Variants in CSMD1 observed in about 807,000 individuals in gnomAD.
The protein encoded by CSMD1 is CUB and sushi domain-containing protein 1.
Under a neutral mutation model 417.5 loss-of-function variants are expected in CSMD1, and 213 were observed. The ratio of observed to expected loss-of-function variants is 0.51; its 90% CI spans 0.46 to 0.57. The LOEUF (loss-of-function observed/expected upper bound fraction) is 0.57, where lower values mean the gene tolerates loss of function less well. Among genes scored for constraint, CSMD1 ranks in the 20% least tolerant of loss-of-function variants. The probability of loss-of-function intolerance (pLI) is 0.00; values close to 1 mark genes in which losing one functional copy is unlikely to be tolerated. For synonymous variants in CSMD1, 2,862 were observed against 1,736.8 expected, an observed-to-expected ratio of 1.65 and a Z score of -16.11; for missense variants, 6,923 against 4,529.7, an observed-to-expected ratio of 1.53 and a Z score of -15.17.
chr8:4,256,094 C>G (rs940550396), intron 3 of CSMD1, among the ~76,000 whole-genome samples: 1 of 152,166 alleles, frequency 6.6e-6, no homozygotes, highest in Non-Finnish European at 1.5e-5. Context: ...TAGGTGAATC[C>G]CAGACTACTT....
intron 1 of CSMD1, among the ~76,000 whole-genome samples, chr8:4,925,537 C>CTTTTTTTTTT (rs113682113): frequency 6.9e-6 from 1 of 145,900 alleles, no homozygotes; most frequent in Non-Finnish European, 1.5e-5. Context: ...CTGGCATTTT[C>CTTTTTTTTTT]TTTTTTTTTT....
At chr8:4,490,807 T>A (rs953343859) in intron 2 of CSMD1, among the ~76,000 whole-genome samples, 5 of 152,234 alleles carry the variant, frequency 3.3e-5, no homozygotes, top group African/African-American at 1.2e-4. Flanking sequence ...TAGGTGTTTC[T>A]GTTTTCTCAC....
intron 26 of CSMD1, among the ~76,000 whole-genome samples, chr8:3,260,299 G>A (rs958263301): frequency 6.6e-6 from 1 of 152,090 alleles, no homozygotes; most frequent in Non-Finnish European, 1.5e-5. Context: ...CGCCACCTCT[G>A]TGAGGCTCCC....
intron 26 of CSMD1, among the ~76,000 whole-genome samples, chr8:3,241,393 G>C (rs1295275645): frequency 2.0e-5 from 3 of 152,084 alleles, no homozygotes; most frequent in South Asian, 2.1e-4. Flanking sequence ...GAAGGGGACG[G>C]TCTTACCCTC....
At chr8:4,521,987 A>T (rs1317598085) in intron 2 of CSMD1, among the ~76,000 whole-genome samples, 2 of 152,166 alleles carry the variant, frequency 1.3e-5, no homozygotes, top group African/African-American at 4.8e-5. Flanking sequence ...CCTAGTTTTT[A>T]TTAAATTTTG....
At chr8:3,839,654 G>GAA (rs112068635) in intron 5 of CSMD1, among the ~76,000 whole-genome samples, 7 of 120,888 alleles carry the variant, frequency 5.8e-5, no homozygotes, top group African/African-American at 6.0e-5. Flanking sequence ...CTTCAACTCA[G>GAA]AAAAAAAAAA....
chr8:4,383,843 A>G (rs1190668799), intron 3 of CSMD1, among the ~76,000 whole-genome samples: 1 of 152,246 alleles, frequency 6.6e-6, no homozygotes, highest in African/African-American at 2.4e-5. Context: ...GAAAATAATA[A>G]CATGGAAATA....
At chr8:3,693,423 G>T (rs1338125629) in intron 7 of CSMD1, among the ~76,000 whole-genome samples, 2 of 152,090 alleles carry the variant, frequency 1.3e-5, no homozygotes, top group Non-Finnish European at 2.9e-5. Context: ...GCTGACAATT[G>T]TGGGTGGGCT....
chr8:3,562,175 T>G (rs1799495013), intron 10 of CSMD1, among the ~76,000 whole-genome samples: 1 of 151,164 alleles, frequency 6.6e-6, no homozygotes, highest in Non-Finnish European at 1.5e-5. Flanking sequence ...CAGTAGTAGG[T>G]GGGGAAAGAT....
intron 5 of CSMD1, among the ~76,000 whole-genome samples, chr8:3,853,741 G>T (rs1804080864): frequency 6.6e-6 from 1 of 151,764 alleles, no homozygotes; most frequent in Admixed American, 6.6e-5. Flanking sequence ...AGCAGGGAAG[G>T]ACAGCATTAG....
chr8:4,553,931 C>T (rs895721210), intron 2 of CSMD1, among the ~76,000 whole-genome samples: 1 of 152,122 alleles, frequency 6.6e-6, no homozygotes, highest in African/African-American at 2.4e-5. Flanking sequence ...CTGGAATTGA[C>T]CTCAATGTGA....
intron 1 of CSMD1, among the ~76,000 whole-genome samples, chr8:4,692,706 C>A (rs1171250349): frequency 1.3e-5 from 2 of 152,158 alleles, no homozygotes; most frequent in Non-Finnish European, 2.9e-5. Flanking sequence ...GTCCTGCAGC[C>A]TGCAAACCCC....
chr8:4,484,133 G>T (rs1054628456), intron 2 of CSMD1, among the ~76,000 whole-genome samples: 1 of 151,548 alleles, frequency 6.6e-6, no homozygotes, highest in African/African-American at 2.4e-5. Flanking sequence ...CACAACAAAG[G>T]CTAGAAGGAT....
intron 31 of CSMD1, among the ~76,000 whole-genome samples, chr8:3,203,173 G>A (rs756124127): frequency 6.6e-6 from 1 of 152,172 alleles, no homozygotes; most frequent in Non-Finnish European, 1.5e-5. Flanking sequence ...ATGGTCTTAG[G>A]ACTATCATGC....
chr8:4,624,360 A>G (rs545171906), intron 2 of CSMD1, among the ~76,000 whole-genome samples: 1 of 152,262 alleles, frequency 6.6e-6, no homozygotes, highest in African/African-American at 2.4e-5. Flanking sequence ...AAAAGAAAGT[A>G]ACCGAAATCT....
At chr8:4,177,108 C>A (rs974834728) in intron 3 of CSMD1, among the ~76,000 whole-genome samples, 37 of 152,264 alleles carry the variant, frequency 2.4e-4, no homozygotes, top group Non-Finnish European at 5.1e-4. Context: ...ACTCTCCACC[C>A]CAAATCAACA....
chr8:4,835,824 G>C lies in CSMD1; in HGVS notation c.85+158508C>G, dbSNP rs543102285. Among the ~76,000 whole-genome samples, 7 of 151,704 alleles carry C rather than the reference G, an allele frequency of 4.6e-5. No homozygotes were observed. In the South Asian group the frequency reaches 8.4e-4, roughly 18 times the overall value. On this transcript the variant is annotated intron_variant, in intron 1 of 69. Transcript: ENST00000635120. ...ATATCTCATCAAGTATCCAGACATG[G>C]AATTACTTGTACATCAAGCCAACTA...
intron 5 of CSMD1, among the ~76,000 whole-genome samples, chr8:3,948,113 G>A (rs1376518959): frequency 6.6e-6 from 1 of 152,120 alleles, no homozygotes; most frequent in Non-Finnish European, 1.5e-5. Context: ...GGATGAGGCA[G>A]GATAACTGCT....
chr8:4,628,382 AC>A (rs1157921615), intron 2 of CSMD1, among the ~76,000 whole-genome samples: 1 of 145,630 alleles, frequency 6.9e-6, no homozygotes, highest in Admixed American at 7.0e-5. Flanking sequence ...GTATATATAC[AC>A]ACATATATAT....
Sources: gnomAD v4.1 joint callset for allele counts (sites outside exome capture counted in the v4.1 genomes callset) on GRCh38, gnomAD v4.1.1 for gene constraint, MANE v1.5 for transcripts, NCBI Gene and HGNC (gene_info 2026-07-23, HGNC 2026-07-21) for gene names.